Variants in MED12L observed in about 807,000 individuals in gnomAD.
The protein encoded by MED12L is mediator complex subunit 12L.
Under a neutral mutation model 281.3 loss-of-function variants are expected in MED12L, and 60 were observed. That is an observed-to-expected ratio of 0.21 (90% CI 0.17 to 0.26). The LOEUF (loss-of-function observed/expected upper bound fraction) is 0.26, where lower values mean the gene tolerates loss of function less well. Among genes scored for constraint, MED12L ranks in the 10% least tolerant of loss-of-function variants. The probability of loss-of-function intolerance (pLI) is 1.00; values close to 1 mark genes in which losing one functional copy is unlikely to be tolerated. For synonymous variants in MED12L, 974 were observed against 987.2 expected (o/e 0.99, Z 0.25); for missense variants, 2,146 against 2,680.9 (o/e 0.80, Z 4.41).
At chr3:151,209,223 A>G (rs1726793771) in intron 16 of MED12L, among the ~76,000 whole-genome samples, 1 of 152,156 alleles carries the variant, frequency 6.6e-6, no homozygotes, top group Admixed American at 6.5e-5. Flanking sequence ...GCAGGGGGAG[A>G]TAGGAATGCA....
intron 2 of MED12L, among the ~76,000 whole-genome samples, chr3:151,114,656 C>T (rs1465405486): frequency 6.6e-6 from 1 of 151,952 alleles, no homozygotes; most frequent in Non-Finnish European, 1.5e-5. Flanking sequence ...GAGGTAGCTT[C>T]ATTTACTCAA....
intron 3 of MED12L, 59 bp downstream of exon 3, chr3:151,116,501 T>A: frequency 9.5e-7 from 1 of 1,048,840 alleles, no homozygotes; most frequent in South Asian, 1.4e-5. Context: ...GTGACACCCT[T>A]AATAATCACT....
In MED12L at chr3:151,418,874, T is replaced by C. The variant is rs74759448; in HGVS notation, c.6408+2452T>C. The stretch of plus-strand genomic sequence containing the variant: ...TTTTAATTTTTAATTCTTTTAATTA[T>C]GGATACATAATATTTGTACATATTT... On this transcript the variant is annotated intron_variant, in intron 43 of 44. Coordinates refer to ENST00000687756, the MANE Select transcript of MED12L (RefSeq NM_001393769.1). Among the ~76,000 whole-genome samples, 547 of 152,340 alleles carry C rather than the reference T, an allele frequency of 3.6e-3. 10 individuals carry two copies. The East Asian group carries it at 0.06, about 17-fold the overall frequency.
intron 16 of MED12L, among the ~76,000 whole-genome samples, chr3:151,339,832 CA>C (rs1751574721): frequency 2.6e-5 from 4 of 152,060 alleles, no homozygotes; most frequent in Non-Finnish European, 5.9e-5. Flanking sequence ...ATGGCATCTA[CA>C]TCTTGGGAAT....
intron 43 of MED12L, among the ~76,000 whole-genome samples, chr3:151,418,046 G>T (rs1049905966): frequency 1.3e-5 from 2 of 152,110 alleles, no homozygotes; most frequent in Non-Finnish European, 2.9e-5. Flanking sequence ...TACACCTTTT[G>T]TTTTGAAATA....
chr3:151,265,649 G>A (rs551920966), intron 16 of MED12L, among the ~76,000 whole-genome samples: 40 of 152,286 alleles, frequency 2.6e-4, no homozygotes, highest in African/African-American at 8.9e-4. Context: ...GGAGGAATCT[G>A]AGTAGGTTTT....
chr3:151,095,589 T>C (rs1332571801), intron 2 of MED12L, among the ~76,000 whole-genome samples: 1 of 152,204 alleles, frequency 6.6e-6, no homozygotes, highest in African/African-American at 2.4e-5. Context: ...CCACTGTGCC[T>C]GGCTGACTTT....
chr3:151,302,745 A>G (rs1577278805), intron 16 of MED12L, among the ~76,000 whole-genome samples: 2 of 152,048 alleles, frequency 1.3e-5, no homozygotes, highest in Non-Finnish European at 1.5e-5. Flanking sequence ...AATCTCTGCT[A>G]CTTCTTCAGT....
intron 16 of MED12L, among the ~76,000 whole-genome samples, chr3:151,302,109 C>T (rs1746009652): frequency 4.6e-5 from 7 of 152,180 alleles, no homozygotes; most frequent in Admixed American, 3.9e-4. Context: ...ACCGTGAAAA[C>T]GTTTTGCATG....
At chr3:151,224,982 A>G (rs1273110139) in intron 16 of MED12L, among the ~76,000 whole-genome samples, 4 of 152,196 alleles carry the variant, frequency 2.6e-5, no homozygotes, top group Non-Finnish European at 4.4e-5. Flanking sequence ...ACAGCGTTTT[A>G]CATCTTTAAA....
chr3:151,392,104 C>T (rs1480244138), intron 38 of MED12L, among the ~76,000 whole-genome samples: 1 of 152,156 alleles, frequency 6.6e-6, no homozygotes, highest in Non-Finnish European at 1.5e-5. Context: ...CATAATCTCT[C>T]CCTATAGAAT....
chr3:151,214,215 A>G (rs1476344377), intron 16 of MED12L: 2 of 1,614,082 alleles, frequency 1.2e-6, no homozygotes, highest in African/African-American at 2.7e-5. Flanking sequence ...GGATTCCTGC[A>G]ATGAAGACCA....
At chr3:151,273,475 T>C (rs1052604511) in intron 16 of MED12L, among the ~76,000 whole-genome samples, 1 of 150,116 alleles carries the variant, frequency 6.7e-6, no homozygotes, top group African/African-American at 2.5e-5. Flanking sequence ...ACTTCTGACC[T>C]TGTGATCTGC....
At chr3:151,171,431 A>C (rs1721416717) in intron 11 of MED12L, among the ~76,000 whole-genome samples, 1 of 152,180 alleles carries the variant, frequency 6.6e-6, no homozygotes, top group South Asian at 2.1e-4. Flanking sequence ...GGTGGCAGGA[A>C]GAGCTGCCTT....
At chr3:151,107,249 A>T (rs1225761186) in intron 2 of MED12L, among the ~76,000 whole-genome samples, 1 of 152,186 alleles carries the variant, frequency 6.6e-6, no homozygotes, top group East Asian at 1.9e-4. Context: ...AGTTAATATT[A>T]TATCATTTCA....
At chr3:151,111,302 A>G (rs1296974662) in intron 2 of MED12L, among the ~76,000 whole-genome samples, 3 of 152,226 alleles carry the variant, frequency 2.0e-5, no homozygotes, top group African/African-American at 7.2e-5. Flanking sequence ...GGGAGCATAG[A>G]CTTTTTGGAA....
At chr3:151,371,032 G>A (rs542612608) in intron 26 of MED12L, among the ~76,000 whole-genome samples, 28 of 152,322 alleles carry the variant, frequency 1.8e-4, no homozygotes, top group South Asian at 1.4e-3. Context: ...TATTGTCAAT[G>A]CAATTGCAGA....
chr3:151,282,587 G>T (rs761148710), intron 16 of MED12L, among the ~76,000 whole-genome samples: 1 of 152,116 alleles, frequency 6.6e-6, no homozygotes, highest in Non-Finnish European at 1.5e-5. Context: ...TCCTCTATAG[G>T]ATCTCTGAAG....
intron 5 of MED12L, among the ~76,000 whole-genome samples, chr3:151,152,442 G>A (rs57803356): frequency 0.017 from 2,619 of 152,142 alleles, 72 homozygotes; most frequent in African/African-American, 0.059. Flanking sequence ...GATTGATTCC[G>A]TAAATACTTA....
Sources: allele counts gnomAD v4.1 joint callset (sites outside exome capture counted in the v4.1 genomes callset), GRCh38; gene constraint gnomAD v4.1.1; transcripts MANE v1.5; gene names NCBI Gene and HGNC (gene_info 2026-07-23, HGNC 2026-07-21).